Variants in ZNF138 observed in about 807,000 individuals in gnomAD.
ZNF138 encodes zinc finger protein 138 (clone pHZ-32).
In ZNF138, 33 loss-of-function variants were observed where a neutral mutation model predicts 33.0. The observed-to-expected ratio is 1.00, with a 90% CI of 0.76 to 1.34. The LOEUF (loss-of-function observed/expected upper bound fraction) is 1.34, where lower values mean the gene tolerates loss of function less well. Among genes scored for constraint, ZNF138 ranks in the 40% most tolerant of loss-of-function variants. The probability of loss-of-function intolerance (pLI) is 0.00; values close to 1 mark genes in which losing one functional copy is unlikely to be tolerated. For missense variants in ZNF138, 360 were observed against 370.8 expected (o/e 0.97, Z 0.24); for synonymous variants, 139 against 120.4 (o/e 1.15, Z -1.01).
At position 64,831,233 on chromosome 7, in the gene ZNF138, A is replaced by T. The variant is rs574782070; in HGVS notation, c.209-218A>T. 3.3e-5 allele frequency among the ~76,000 whole-genome samples: 5 copies of T among 152,098 alleles called. No homozygotes were observed. The South Asian group carries it at 6.2e-4, about 19-fold the overall frequency. On this transcript the variant is annotated intron_variant, in intron 3 of 3. Transcript: ENST00000307355. Reference sequence around the variant, plus strand: ...TCTGTGTGGCTCTTTGCATTGTGCAAACCTGGGGCACTGCACACACTTAAC... The same window carrying T: ...TCTGTGTGGCTCTTTGCATTGTGCATACCTGGGGCACTGCACACACTTAAC...
chr7:64,816,481 A>T (rs1053228922), intron 3 of ZNF138, among the ~76,000 whole-genome samples: 1 of 151,758 alleles, frequency 6.6e-6, no homozygotes, highest in Admixed American at 6.6e-5. Flanking sequence ...TCTCTATTTT[A>T]TCAGATAATT....
At chr7:64,807,374 AAAG>A (rs1243524812) in intron 1 of ZNF138, among the ~76,000 whole-genome samples, 1 of 152,202 alleles carries the variant, frequency 6.6e-6, no homozygotes, top group Non-Finnish European at 1.5e-5. Context: ...GCTGCTAATC[AAAG>A]CGCAGATTTC....
chr7:64,795,824 TTC>T (rs1455576876), intron 1 of ZNF138, among the ~76,000 whole-genome samples: 6 of 152,300 alleles, frequency 3.9e-5, no homozygotes, highest in Middle Eastern at 3.4e-3. Context: ...TTTCAGTACT[TTC>T]TGAGGATAAA....
rs746620466 is a variant in ZNF138, at chr7:64,794,554, C to T, written c.-15C>T. On this transcript the variant is annotated 5_prime_UTR_variant, in exon 1 of 4. Coordinates refer to ENST00000307355, the MANE Select transcript of ZNF138 (RefSeq NM_001271639.2). ...ATTCACAGCTAAGACGCCAGGATCC[C>T]CCGGAAGCCTAGAAATGGTGAGAGT... 1.9e-6 allele frequency: 3 copies of T among 1,613,382 alleles called. No homozygotes were observed. Among genetic ancestry groups the T allele is most frequent in the African/African-American group, 1.3e-5 (1 of 74,914 alleles).
intron 3 of ZNF138, among the ~76,000 whole-genome samples, chr7:64,815,885 C>T (rs1018583808): frequency 9.2e-5 from 14 of 152,110 alleles, no homozygotes; most frequent in South Asian, 2.1e-4. Context: ...TGAGAGCCAA[C>T]GTCCTTTTCA....
chr7:64,823,908 A>C (rs1789368603), intron 3 of ZNF138, among the ~76,000 whole-genome samples: 1 of 152,236 alleles, frequency 6.6e-6, no homozygotes, highest in South Asian at 2.1e-4. Flanking sequence ...ACTGCACTCC[A>C]GCCTGGGTGA....
At chr7:64,854,967 A>G in the ZNF138 span, among the ~76,000 whole-genome samples, 1 of 152,182 alleles carries the variant, frequency 6.6e-6, no homozygotes, top group Non-Finnish European at 1.5e-5. Context: ...TAAAGGATTT[A>G]TTTTTCAGCC....
At chr7:64,805,415 A>ACAAAAAC (rs1554364157) in intron 1 of ZNF138, among the ~76,000 whole-genome samples, 1 of 69,468 alleles carries the variant, frequency 1.4e-5, no homozygotes, top group Non-Finnish European at 3.8e-5. Flanking sequence ...ACAAAACAAA[A>ACAAAAAC]AAAAAAACTG....
At chr7:64,804,703 C>T (rs1787433717) in intron 1 of ZNF138, among the ~76,000 whole-genome samples, 1 of 152,184 alleles carries the variant, frequency 6.6e-6, no homozygotes, top group Non-Finnish European at 1.5e-5. Context: ...ATCACATGAA[C>T]TCAGGAGGCA....
At chr7:64,809,823 C>T (rs1215918303) in intron 1 of ZNF138, among the ~76,000 whole-genome samples, 12 of 117,894 alleles carry the variant, frequency 1.0e-4, no homozygotes, top group South Asian at 3.4e-4. Context: ...CCAGACGGGG[C>T]GGCGGGGCAG....
At chr7:64,822,882 A>AT (rs1277672104) in intron 3 of ZNF138, among the ~76,000 whole-genome samples, 441 of 130,436 alleles carry the variant, frequency 3.4e-3, no homozygotes, top group African/African-American at 0.012. Flanking sequence ...TAATTTTTTT[A>AT]TTTTTTTTTT....
intron 1 of ZNF138, among the ~76,000 whole-genome samples, chr7:64,812,558 T>C (rs1451919229): frequency 1.3e-5 from 2 of 152,196 alleles, no homozygotes; most frequent in East Asian, 3.9e-4. Flanking sequence ...TTTCCATTAC[T>C]GTAGTAGAAA....
At chr7:64,834,043 TAAA>T (rs1002077334), downstream of ZNF138, among the ~76,000 whole-genome samples, 1 of 152,036 alleles carries the variant, frequency 6.6e-6, no homozygotes, top group Non-Finnish European at 1.5e-5. Context: ...GCCTTTAAAG[TAAA>T]AAAAGAGTTT....
the ZNF138 span, among the ~76,000 whole-genome samples, chr7:64,847,477 GCTGT>G: frequency 1.3e-5 from 2 of 151,398 alleles, no homozygotes; most frequent in Non-Finnish European, 2.9e-5. Context: ...CTATTGTGTT[GCTGT>G]CTATCTCATT....
At chr7:64,808,910 C>T (rs1217294292) in intron 1 of ZNF138, among the ~76,000 whole-genome samples, 1 of 140,410 alleles carries the variant, frequency 7.1e-6, no homozygotes, top group Non-Finnish European at 1.6e-5. Flanking sequence ...GGTAAGGTCA[C>T]AGATCAACAG....
In ZNF138 at chr7:64,814,798, A is replaced by G. The variant is rs949563765; in HGVS notation, c.4-120A>G. 1.7e-5 allele frequency: 22 copies of G among 1,280,480 alleles called. No individual in the cohort carries two copies. The African/African-American group carries it at 2.6e-4, about 15-fold the overall frequency. 79.3% of individuals were successfully genotyped at this position (1,280,480 alleles called of 1,614,324 possible). On this transcript the variant is annotated intron_variant, in intron 1 of 3. Transcript: ENST00000307355. Reference sequence around the variant, plus strand: ...AATTATTTTATGAATAATTTCAGTCACTCCTGTAAGACATAATCAGTTTTC... The same window carrying G: ...AATTATTTTATGAATAATTTCAGTCGCTCCTGTAAGACATAATCAGTTTTC...
Position 64,831,512 on chromosome 7 carries a change from A to G in ZNF138, c.270A>G (p.Gln90=), listed in dbSNP as rs368036545. The stretch of plus-strand genomic sequence containing the variant: ...AGCAGAACATAAAAGATTCTTTCCA[A>G]AAAGTGACACTGAGCAGATATGGAA... ...WLEQNIKDSF[Q]KVTLSRYGKY... is the part of the protein sequence containing the mutation. Residue 90 remains glutamine, a synonymous_variant, in exon 4 of 4, where the codon CAA becomes CAG. Coordinates refer to ENST00000307355, the MANE Select transcript of ZNF138 (RefSeq NM_001271639.2). The G allele has an allele frequency of 6.2e-7, 1 of 1,606,642 alleles. No homozygotes were observed.
At chr7:64,852,648 C>T in the ZNF138 span, 70 of 1,411,780 alleles carry the variant, frequency 5.0e-5, no homozygotes, top group Middle Eastern at 1.7e-4. Context: ...ATCACCTCCT[C>T]GTAGGCCAGC....
intron 3 of ZNF138, among the ~76,000 whole-genome samples, chr7:64,819,298 G>A (rs772815384): frequency 6.6e-6 from 1 of 151,678 alleles, no homozygotes; most frequent in Non-Finnish European, 1.5e-5. Context: ...TTTTTACCAT[G>A]AGTTTTATAA....
Sources: allele counts gnomAD v4.1 joint callset (sites outside exome capture counted in the v4.1 genomes callset), GRCh38; gene constraint gnomAD v4.1.1; transcripts MANE v1.5; gene names NCBI Gene and HGNC (gene_info 2026-07-23, HGNC 2026-07-21).